The following DNAAF10 variants were observed in gnomAD, a reference collection of about 807,000 sequenced individuals.
DNAAF10 encodes the protein dynein axonemal assembly factor 10.
DNAAF10 carries 28 observed loss-of-function variants against 43.7 expected under a neutral mutation model. That is an observed-to-expected ratio of 0.64 (90% CI 0.48 to 0.88). DNAAF10 has a LOEUF of 0.88. Among genes scored for constraint, DNAAF10 ranks in the 40% least tolerant of loss-of-function variants. DNAAF10 has a pLI of 0.00. For synonymous variants in DNAAF10, 156 were observed against 157.3 expected (o/e 0.99, Z 0.06); for missense variants, 403 against 439.1 (o/e 0.92, Z 0.73).
intron 1 of DNAAF10, among the ~76,000 whole-genome samples, chr2:68,151,143 A>G (rs143532903): frequency 6.6e-6 from 1 of 152,382 alleles, no homozygotes; most frequent in African/African-American, 2.4e-5. Flanking sequence ...GCACAGACTC[A>G]CAAGAGTGGC....
At chr2:68,144,793 ATAGT>A in intron 2 of DNAAF10, 78 bp from the exon 3 acceptor site, 5 of 1,492,286 alleles carry the variant, frequency 3.4e-6, no homozygotes, top group Non-Finnish European at 4.5e-6. Flanking sequence ...AAGATATATT[ATAGT>A]TAGATTTTTT....
At chr2:68,140,131 T>A (rs1234199826) in intron 4 of DNAAF10, among the ~76,000 whole-genome samples, 3 of 152,136 alleles carry the variant, frequency 2.0e-5, no homozygotes, top group Non-Finnish European at 4.4e-5. Context: ...TTCAAGGATT[T>A]TTTTCCAAGT....
chr2:68,147,447 TACTG>T lies in DNAAF10; in HGVS notation c.284+16_284+19del. On this transcript the variant is annotated intron_variant, in intron 2 of 7. Coordinates refer to ENST00000295121, the MANE Select transcript of DNAAF10 (RefSeq NM_138458.4). ...AAATTGCCTATCTCATCTGTCTGAA[TACTG>T]ACTAAATCATCTTACCATATATGAA... is the stretch of plus-strand genomic sequence containing the variant. 3.2e-6 allele frequency: 5 copies of T among 1,578,588 alleles called. No individual in the cohort carries two copies. The highest frequency in any genetic ancestry group is 4.3e-6 in the Non-Finnish European group (5 of 1,149,882).
chr2:68,131,091 T>A lies in DNAAF10; in HGVS notation c.*147A>T, dbSNP rs1366233531. The A allele has an allele frequency of 5.7e-6, 4 of 706,832 alleles. No individual in the cohort carries two copies. The highest frequency in any genetic ancestry group is 1.8e-5 in the African/African-American group (1 of 54,990). 43.8% of individuals were successfully genotyped at this position (706,832 alleles called of 1,614,324 possible). ...CCATGACACCCAGCAAATTTTTTTT[T>A]ATATTTTTAGTAGAGACGGGGTTTC... On this transcript the variant is annotated 3_prime_UTR_variant, in exon 8 of 8. Coordinates refer to ENST00000295121, the MANE Select transcript of DNAAF10 (RefSeq NM_138458.4).
chr2:68,156,379 A>G (rs1235056328), intron 1 of DNAAF10, among the ~76,000 whole-genome samples: 4 of 152,150 alleles, frequency 2.6e-5, no homozygotes, highest in Admixed American at 2.0e-4. Context: ...CTTGTAGTCT[A>G]TTACAACCCT....
In DNAAF10 at chr2:68,130,686, G is replaced by A. The variant is rs1672912486; in HGVS notation, c.*552C>T. On this transcript the variant is annotated 3_prime_UTR_variant, in exon 8 of 8. Transcript: ENST00000295121. Reference sequence around the variant, plus strand: ...CAACTATTGACTTAGAAATGGAAGGGAGAGAAAAGAACTGGCCCTGGAGAT... The same window carrying A: ...CAACTATTGACTTAGAAATGGAAGGAAGAGAAAAGAACTGGCCCTGGAGAT... 6.5e-6 allele frequency: 1 copy of A among 153,240 alleles called. No homozygotes were observed. Among genetic ancestry groups the A allele is most frequent in the African/African-American group, 2.4e-5 (1 of 41,428 alleles). 9.5% of individuals were successfully genotyped at this position (153,240 alleles called of 1,614,324 possible).
intron 1 of DNAAF10, among the ~76,000 whole-genome samples, chr2:68,156,404 T>C (rs879910467): frequency 3.9e-5 from 6 of 152,216 alleles, no homozygotes; most frequent in Admixed American, 1.3e-4. Context: ...TGATAATGAC[T>C]GATCATTTTT....
chr2:68,130,978 C>T lies in DNAAF10; in HGVS notation c.*260G>A. ...TTGCCCAGGCTGGAGTGCAGTGGCA[C>T]AATCTCGGCTCACTGCAACCTCCGC... On this transcript the variant is annotated 3_prime_UTR_variant, in exon 8 of 8. Coordinates refer to ENST00000295121, the MANE Select transcript of DNAAF10 (RefSeq NM_138458.4). The T allele has an allele frequency of 3.6e-6, 1 of 275,648 alleles. No individual in the cohort carries two copies. Among genetic ancestry groups the T allele is most frequent in the Non-Finnish European group, 7.1e-6 (1 of 140,994 alleles). 17.1% of individuals were successfully genotyped at this position (275,648 alleles called of 1,614,324 possible). A position where few individuals can be genotyped will look rare whatever the true frequency, so the allele number is the denominator to read the frequency against.
At chr2:68,154,083 A>C (rs1000489934) in intron 1 of DNAAF10, among the ~76,000 whole-genome samples, 8 of 151,754 alleles carry the variant, frequency 5.3e-5, no homozygotes, top group African/African-American at 1.7e-4. Context: ...TTTTTGTATT[A>C]GTTTTACCCT....
intron 3 of DNAAF10, among the ~76,000 whole-genome samples, chr2:68,142,197 A>T (rs1034063606): frequency 6.6e-6 from 1 of 152,204 alleles, no homozygotes; most frequent in African/African-American, 2.4e-5. Context: ...ATTGGCATGA[A>T]TACACTCTAA....
chr2:68,131,212 C>A lies in DNAAF10; in HGVS notation c.*26G>T, dbSNP rs908519536. On this transcript the variant is annotated 3_prime_UTR_variant, in exon 8 of 8. Coordinates refer to ENST00000295121, the MANE Select transcript of DNAAF10 (RefSeq NM_138458.4). ...GGATTACAGGAGTGAGCCACCGTGC[C>A]CAGCCTCAAGTCCAAAGTCTTGAAG... 6.2e-7 allele frequency: 1 copy of A among 1,612,816 alleles called. No individual in the cohort carries two copies. The highest frequency in any genetic ancestry group is 8.5e-7 in the Non-Finnish European group (1 of 1,179,088).
intron 7 of DNAAF10, among the ~76,000 whole-genome samples, chr2:68,132,429 C>T (rs1558605531): frequency 6.6e-6 from 1 of 152,186 alleles, no homozygotes; most frequent in Non-Finnish European, 1.5e-5. Context: ...GGTTTAAATA[C>T]AGACACCTTT....
intron 1 of DNAAF10, among the ~76,000 whole-genome samples, chr2:68,152,583 G>T (rs1673484246): frequency 6.6e-6 from 1 of 152,012 alleles, no homozygotes; most frequent in Non-Finnish European, 1.5e-5. Flanking sequence ...ATGAAAAGAA[G>T]TTGGTGGTAA....
At position 68,147,518 on chromosome 2, in the gene DNAAF10, A is replaced by G; in HGVS notation, c.233T>C (p.Leu78Ser). Residue 78 changes from leucine to serine, a missense_variant, in exon 2 of 8, where the codon TTA (leucine) becomes TCA (serine). Coordinates refer to ENST00000295121, the MANE Select transcript of DNAAF10 (RefSeq NM_138458.4). ...TCCAGTAGCTAAATATCTCTGCTGT[A>G]AAGATGTTGCACCAAATGTTCCACA... ...IKCGTFGATS[L>S]QQRYLATGDF... 1 of 1,612,140 alleles carries G rather than the reference A, an allele frequency of 6.2e-7. No homozygotes were observed.
chr2:68,136,676 T>G (rs1383308233), intron 6 of DNAAF10, among the ~76,000 whole-genome samples: 1 of 152,244 alleles, frequency 6.6e-6, no homozygotes, highest in Non-Finnish European at 1.5e-5. Context: ...CCTTTCTGCA[T>G]GAATTTTCTG....
rs1286249042 is a variant in DNAAF10, at chr2:68,129,865, A to T, written c.*1373T>A. ...GGTAACAGAATCAAAGCTTCTGTAG[A>T]TCTCAAAAACAGAAGTTTATTCATA... On this transcript the variant is annotated 3_prime_UTR_variant, in exon 8 of 8. Transcript: ENST00000295121. 1 of 152,090 alleles carries T rather than the reference A, an allele frequency of 6.6e-6. No individual in the cohort carries two copies. The highest frequency in any genetic ancestry group is 2.4e-5 in the African/African-American group (1 of 41,426). 9.4% of individuals were successfully genotyped at this position (152,090 alleles called of 1,614,324 possible). A position where few individuals can be genotyped will look rare whatever the true frequency, so the allele number is the denominator to read the frequency against.
chr2:68,134,593 C>A, intron 7 of DNAAF10, 109 bp downstream of exon 7: 1 of 1,539,372 alleles, frequency 6.5e-7, no homozygotes, highest in Non-Finnish European at 8.7e-7. Flanking sequence ...TAAATCATAT[C>A]AAAATGAACT....
chr2:68,145,358 TG>T (rs1248413578), intron 2 of DNAAF10, among the ~76,000 whole-genome samples: 1 of 152,182 alleles, frequency 6.6e-6, no homozygotes, highest in Admixed American at 6.5e-5. Context: ...CACCATTAGC[TG>T]GCCTTACTAA....
chr2:68,151,720 T>C (rs1260050453), intron 1 of DNAAF10, among the ~76,000 whole-genome samples: 1 of 152,206 alleles, frequency 6.6e-6, no homozygotes, highest in Non-Finnish European at 1.5e-5. Flanking sequence ...CATACTTTCA[T>C]GTGCCAGGGT....
Sources: gnomAD v4.1 joint callset for allele counts (sites outside exome capture counted in the v4.1 genomes callset) on GRCh38, gnomAD v4.1.1 for gene constraint, MANE v1.5 for transcripts, NCBI Gene and HGNC (gene_info 2026-07-23, HGNC 2026-07-21) for gene names.